The following MBNL2 variants were observed in gnomAD, a reference collection of about 807,000 sequenced individuals.
The protein encoded by MBNL2 is muscleblind like splicing regulator 2.
In MBNL2, 17 loss-of-function variants were observed where a neutral mutation model predicts 41.9. The ratio of observed to expected loss-of-function variants is 0.41; its 90% CI spans 0.28 to 0.61. The LOEUF (loss-of-function observed/expected upper bound fraction) is 0.61, where lower values mean the gene tolerates loss of function less well. Ranked by LOEUF, MBNL2 falls within the 20% of genes least tolerant of loss-of-function variation. MBNL2 has a pLI of 0.35. For synonymous variants in MBNL2, 195 were observed against 182.9 expected (o/e 1.07, Z -0.53); for missense variants, 336 against 505.6 (o/e 0.66, Z 3.22).
At chr13:97,256,861 C>T (rs775656344) in intron 1 of MBNL2, among the ~76,000 whole-genome samples, 1 of 152,152 alleles carries the variant, frequency 6.6e-6, no homozygotes, top group Non-Finnish European at 1.5e-5. Flanking sequence ...TCGTTAAATG[C>T]TAAGTAAGTC....
chr13:97,167,248 T>C, the MBNL2 span, among the ~76,000 whole-genome samples: 1 of 152,150 alleles, frequency 6.6e-6, no homozygotes, highest in Non-Finnish European at 1.5e-5. Context: ...ACAAAGAACA[T>C]ATGCAAGAGG....
intron 2 of MBNL2, among the ~76,000 whole-genome samples, chr13:97,305,577 A>G (rs1221820125): frequency 6.6e-6 from 1 of 150,630 alleles, no homozygotes; most frequent in Admixed American, 6.7e-5. Context: ...CAGCCTGGGC[A>G]ACATGGTGAA....
the MBNL2 span, among the ~76,000 whole-genome samples, chr13:97,182,507 T>G: frequency 7.2e-5 from 11 of 152,212 alleles, no homozygotes; most frequent in African/African-American, 2.2e-4. Context: ...CATTTAGCTT[T>G]AAAGTGGAAA....
At chr13:97,183,182 A>C in the MBNL2 span, among the ~76,000 whole-genome samples, 2 of 152,106 alleles carry the variant, frequency 1.3e-5, no homozygotes, top group African/African-American at 2.4e-5. Flanking sequence ...TGTTTTTCTA[A>C]TTTGATTTTC....
intron 2 of MBNL2, among the ~76,000 whole-genome samples, chr13:97,310,864 A>T (rs1377880195): frequency 6.6e-6 from 1 of 150,936 alleles, no homozygotes; most frequent in East Asian, 1.9e-4. Context: ...CGGTCACCTG[A>T]GATGAACTCT....
intron 2 of MBNL2, among the ~76,000 whole-genome samples, chr13:97,299,482 A>T (rs1295326156): frequency 6.6e-6 from 1 of 152,154 alleles, no homozygotes; most frequent in Admixed American, 6.5e-5. Flanking sequence ...CAATGGTTCA[A>T]CTCAACCATT....
At chr13:97,207,575 A>G in the MBNL2 span, among the ~76,000 whole-genome samples, 58 of 152,278 alleles carry the variant, frequency 3.8e-4, no homozygotes, top group African/African-American at 1.3e-3. Context: ...ACTTGCCCCC[A>G]TGATTCAATT....
intron 1 of MBNL2, among the ~76,000 whole-genome samples, chr13:97,225,150 T>C (rs1274091884): frequency 6.6e-6 from 1 of 152,232 alleles, no homozygotes; most frequent in African/African-American, 2.4e-5. Context: ...ATCACATGGC[T>C]ACCAGCCAGT....
chr13:97,165,502 G>C, the MBNL2 span, among the ~76,000 whole-genome samples: 1 of 152,128 alleles, frequency 6.6e-6, no homozygotes, highest in African/African-American at 2.4e-5. Flanking sequence ...TTGGAGGAAG[G>C]GAGAGTGAAT....
the MBNL2 span, among the ~76,000 whole-genome samples, chr13:97,216,299 A>G: frequency 6.6e-6 from 1 of 152,238 alleles, no homozygotes; most frequent in Non-Finnish European, 1.5e-5. Flanking sequence ...AAATGAATTC[A>G]GCACCACTCC....
At chr13:97,298,728 C>T (rs185495498) in intron 2 of MBNL2, among the ~76,000 whole-genome samples, 1 of 152,306 alleles carries the variant, frequency 6.6e-6, no homozygotes, top group East Asian at 1.9e-4. Context: ...CAAAAGCATG[C>T]ATTGGTGAAT....
At position 97,268,100 on chromosome 13, in the gene MBNL2, C is replaced by CCTTT. The variant is rs777353448; in HGVS notation, c.-604-7523_-604-7520dup. ...TCCTTCCTTCCTTCCTTCCTTCCTT[C>CCTTT]CTTTCTTTCTTTTGAGACAGCGTCG... On this transcript the variant is annotated intron_variant, in intron 1 of 8. Coordinates refer to ENST00000679496, the MANE Select transcript of MBNL2 (RefSeq NM_001382683.1). The surrounding 1 kb of genome is among the most constrained non-coding windows in gnomAD (Gnocchi z 4.6). Among the ~76,000 whole-genome samples, 3 of 145,100 alleles carry CCTTT rather than the reference C, an allele frequency of 2.1e-5. No homozygotes were observed. Among genetic ancestry groups the CCTTT allele is most frequent in the African/African-American group, 5.6e-5 (2 of 35,624 alleles).
chr13:97,387,464 T>TC (rs1003801993), intron 8 of MBNL2, among the ~76,000 whole-genome samples: 1 of 152,096 alleles, frequency 6.6e-6, no homozygotes, highest in African/African-American at 2.4e-5. Flanking sequence ...TCTCACTGTC[T>TC]CCCCTCTAAA....
In MBNL2 at chr13:97,356,824, G is replaced by T; in HGVS notation, c.833G>T (p.Arg278Leu). 1 of 1,362,284 alleles carries T rather than the reference G, an allele frequency of 7.3e-7. No homozygotes were observed. The highest frequency in any genetic ancestry group is 1.1e-5 in the South Asian group (1 of 88,026). The allele number at this position is 1,362,284 out of a possible 1,614,324, so 84.4% of individuals were successfully genotyped here. A position where few individuals can be genotyped will look rare whatever the true frequency, so the allele number is the denominator to read the frequency against. Residue 278 changes from arginine (R) to leucine (L), a missense_variant, in exon 6 of 9, where the codon CGA becomes CTA. Arg to Leu is a moderately radical substitution (Grantham distance 102). Transcript: ENST00000679496. Reference protein sequence around the residue: ...MTQSTAKAMKRPLEATVDLAF... With the variant: ...MTQSTAKAMKLPLEATVDLAF... Reference sequence around the variant, plus strand: ...CAGTCGACTGCCAAAGCAATGAAGCGACCTCTCGAAGCAACTGTAGACCTG... The same window carrying T: ...CAGTCGACTGCCAAAGCAATGAAGCTACCTCTCGAAGCAACTGTAGACCTG...
At chr13:97,184,033 A>G in the MBNL2 span, among the ~76,000 whole-genome samples, 81 of 152,334 alleles carry the variant, frequency 5.3e-4, 4 homozygotes, top group South Asian at 0.014. Flanking sequence ...GATATAAAGT[A>G]TTACAGCTTC....
chr13:97,273,730 C>T (rs555202019), intron 1 of MBNL2, among the ~76,000 whole-genome samples: 1 of 152,114 alleles, frequency 6.6e-6, no homozygotes, highest in Non-Finnish European at 1.5e-5. Context: ...GAGGCTTCTC[C>T]CTTATAAGGG....
intron 7 of MBNL2, among the ~76,000 whole-genome samples, chr13:97,364,881 T>C (rs1015347094): frequency 2.8e-4 from 43 of 152,216 alleles, no homozygotes; most frequent in African/African-American, 9.9e-4. Flanking sequence ...GTCATTCTTA[T>C]TAGAATCATG....
chr13:97,338,801 G>C (rs970338928), intron 3 of MBNL2, among the ~76,000 whole-genome samples: 8 of 152,184 alleles, frequency 5.3e-5, no homozygotes, highest in Non-Finnish European at 1.0e-4. Context: ...AGGCTTAGGA[G>C]ACGCCGTGTG....
chr13:97,261,003 G>A lies in MBNL2; in HGVS notation c.-604-14629G>A, dbSNP rs555416441. ...TCGAGGGTGTTGTCTTGCCAATGAA[G>A]ATGCTAACCCCATCCCAGTAATCTA... On this transcript the variant is annotated intron_variant, in intron 1 of 8. Transcript: ENST00000679496. Among the ~76,000 whole-genome samples the A allele has an allele frequency of 6.6e-5, 10 of 152,178 alleles. No homozygotes were observed. The South Asian group carries it at 2.1e-3, about 32-fold the overall frequency.
Sources: gnomAD v4.1 joint callset for allele counts (sites outside exome capture counted in the v4.1 genomes callset) on GRCh38, gnomAD v4.1.1 for gene constraint, Gnocchi (gnomAD v3.1) non-coding constraint, MANE v1.5 for transcripts, NCBI Gene and HGNC (gene_info 2026-07-23, HGNC 2026-07-21) for gene names.